Variants in CSMD2 observed in about 807,000 individuals in gnomAD.
CSMD2 encodes the protein CUB and Sushi multiple domains 2, also known as CUB and sushi domain-containing protein 2.
A neutral mutation model predicts 398.5 loss-of-function variants in CSMD2; 130 were observed. That is an observed-to-expected ratio of 0.33 (90% CI 0.28 to 0.38). The LOEUF (loss-of-function observed/expected upper bound fraction) is 0.38. Ranked by LOEUF, CSMD2 falls within the 10% of genes least tolerant of loss-of-function variation. The probability of loss-of-function intolerance (pLI) is 1.00; values close to 1 mark genes in which losing one functional copy is unlikely to be tolerated. For missense variants in CSMD2, 3,829 were observed against 4,764.9 expected (o/e 0.80, Z 5.78); for synonymous variants, 1,828 against 1,908.5 (o/e 0.96, Z 1.10).
At chr1:34,116,384 G>A (rs1199502306) in intron 1 of CSMD2, among the ~76,000 whole-genome samples, 2 of 151,874 alleles carry the variant, frequency 1.3e-5, no homozygotes, top group South Asian at 2.1e-4. Context: ...ATCAAAAACT[G>A]TCACAAGAGA....
chr1:33,705,048 G>T (rs1003701608), intron 22 of CSMD2, among the ~76,000 whole-genome samples: 4 of 150,970 alleles, frequency 2.6e-5, no homozygotes, highest in African/African-American at 4.9e-5. Flanking sequence ...AAAATTTTTA[G>T]ATCTGTGATC....
chr1:33,668,882 C>T lies in CSMD2; in HGVS notation c.4053-5790G>A, dbSNP rs148138401. Among the ~76,000 whole-genome samples the T allele has an allele frequency of 3.8e-4, 58 of 152,222 alleles. No individual in the cohort carries two copies. In the East Asian group the frequency reaches 9.2e-3, roughly 24 times the overall value. Reference sequence around the variant, plus strand: ...GAAATGTGCAAGGCTCTGTGCTTGCCCTGGAGGAAACTTACTGAAGGAGAC... The same window carrying T: ...GAAATGTGCAAGGCTCTGTGCTTGCTCTGGAGGAAACTTACTGAAGGAGAC... On this transcript the variant is annotated intron_variant, in intron 25 of 70. Transcript: ENST00000373381.
chr1:34,061,086 T>C (rs1247069187), intron 2 of CSMD2, among the ~76,000 whole-genome samples: 1 of 152,074 alleles, frequency 6.6e-6, no homozygotes, highest in East Asian at 1.9e-4. Flanking sequence ...ACCCCAACCC[T>C]GCCTGGGACA....
intron 35 of CSMD2, 96 bp from the exon 36 acceptor site, chr1:33,623,562 T>A (rs1358860619): frequency 7.0e-6 from 6 of 858,092 alleles, no homozygotes; most frequent in Non-Finnish European, 1.2e-5. Context: ...TTAATTCAAT[T>A]TGTTGAGAAT....
intron 37 of CSMD2, among the ~76,000 whole-genome samples, chr1:33,620,771 T>C (rs2148871235): frequency 6.6e-6 from 1 of 151,470 alleles, no homozygotes; most frequent in Non-Finnish European, 1.5e-5. Flanking sequence ...GTCCTACCCT[T>C]TACCCTGCAG....
At chr1:34,062,758 T>C (rs72667720) in intron 2 of CSMD2, among the ~76,000 whole-genome samples, 2,852 of 152,270 alleles carry the variant, frequency 0.019, 35 homozygotes, top group Non-Finnish European at 0.028. Context: ...GACTCTGCTC[T>C]CTGATGCCAC....
At chr1:33,724,366 C>G in intron 18 of CSMD2, 53 bp from the exon 19 acceptor site, 1 of 1,510,376 alleles carries the variant, frequency 6.6e-7, no homozygotes, top group Non-Finnish European at 9.2e-7. Flanking sequence ...CAGGGAGCAC[C>G]CCCGTCATCC....
intron 36 of CSMD2, 86 bp downstream of exon 36, chr1:33,623,284 C>CAATAAT (rs1263650852): frequency 1.1e-6 from 1 of 918,814 alleles, no homozygotes; most frequent in Non-Finnish European, 1.8e-6. Context: ...AGTGATATCT[C>CAATAAT]AATAATAATA....
chr1:33,828,491 G>A (rs1463227505), intron 6 of CSMD2, among the ~76,000 whole-genome samples: 2 of 152,210 alleles, frequency 1.3e-5, no homozygotes, highest in East Asian at 1.9e-4. Flanking sequence ...TGAAGAAAGA[G>A]TCTTCATCGT....
At chr1:33,854,429 T>C (rs2125097332) in intron 5 of CSMD2, among the ~76,000 whole-genome samples, 1 of 152,304 alleles carries the variant, frequency 6.6e-6, no homozygotes, top group Non-Finnish European at 1.5e-5. Flanking sequence ...AAAGAGGCAG[T>C]GAGCAGGTGA....
In CSMD2 at chr1:33,724,296, T is replaced by A. The variant is rs773965809; in HGVS notation, c.2902A>T (p.Ile968Phe). 3 of 1,613,662 alleles carry A rather than the reference T, an allele frequency of 1.9e-6. No homozygotes were observed. The African/African-American group carries it at 4.0e-5, about 22-fold the overall frequency. ...PSCEALCGGF[I>F]QGSSGTILSP... ...AAGATGGTCCCACTGGAGCCTTGAA[T>A]GAAGCCACCACAGAGAGCTACAGAA... is the stretch of plus-strand genomic sequence containing the variant. Residue 968 changes from isoleucine to phenylalanine, a missense_variant, in exon 19 of 71, where the codon ATT becomes TTT. By Grantham distance (21) the Ile-to-Phe change is conservative. This residue lies in a region of CSMD2 where 2,001 missense variants were observed against 2,567.1 expected (regional missense o/e 0.78). Transcript: ENST00000373381.
At position 33,611,162 on chromosome 1, in the gene CSMD2, C is replaced by T. The variant is rs375268880; in HGVS notation, c.6222G>A (p.Met2074Ile). Residue 2074 changes from methionine (M) to isoleucine (I), a missense_variant, in exon 41 of 71, where the codon ATG becomes ATA. Met to Ile is a conservative substitution (Grantham distance 10). Around this residue, in one of 5 missense-constraint regions of CSMD2, gnomAD observed 2,001 missense variants for 2,567.1 expected, o/e 0.78. Transcript: ENST00000373381. The stretch of plus-strand genomic sequence containing the variant: ...GCTCGCTTCCACTGAATCTTCCCAT[C>T]ATGCGGCTGGTCTCATAGGGGCCAT... ...IRNGPYETSR[M>I]MGRFSGSELP... The T allele has an allele frequency of 6.2e-7, 1 of 1,614,078 alleles. No individual in the cohort carries two copies. Among genetic ancestry groups the T allele is most frequent in the Non-Finnish European group, 8.5e-7 (1 of 1,180,030 alleles).
chr1:33,678,564 C>T (rs942544311), intron 25 of CSMD2, among the ~76,000 whole-genome samples: 4 of 152,098 alleles, frequency 2.6e-5, no homozygotes, highest in African/African-American at 9.7e-5. Flanking sequence ...GGAAGGGGGT[C>T]AGAAATCACT....
intron 3 of CSMD2, among the ~76,000 whole-genome samples, chr1:33,951,166 A>C (rs765958542): frequency 6.6e-6 from 1 of 152,206 alleles, no homozygotes; most frequent in Non-Finnish European, 1.5e-5. Flanking sequence ...CCAGGGCTGG[A>C]GAGAGGCTGC....
At position 33,614,886 on chromosome 1, in the gene CSMD2, A is replaced by G. The variant is rs150233434; in HGVS notation, c.6017-266T>C. Reference sequence around the variant, plus strand: ...TCTTGACCTTGAACATGCCCTTCACAGGTCAGTTCCCTGGTGAGGATGTCC... The same window carrying G: ...TCTTGACCTTGAACATGCCCTTCACGGGTCAGTTCCCTGGTGAGGATGTCC... On this transcript the variant is annotated intron_variant, in intron 39 of 70. Transcript: ENST00000373381. 1.3e-4 allele frequency among the ~76,000 whole-genome samples: 20 copies of G among 152,322 alleles called. No individual in the cohort carries two copies. In the East Asian group the frequency reaches 3.9e-3, roughly 29 times the overall value.
intron 17 of CSMD2, 101 bp downstream of exon 17, chr1:33,725,248 G>C: frequency 3.1e-6 from 3 of 976,928 alleles, no homozygotes; most frequent in Non-Finnish European, 4.8e-6. Context: ...ACACCATGGG[G>C]ATGGGGCCAA....
chr1:33,878,476 GAGA>G (rs970783633), intron 5 of CSMD2: 1 of 152,246 alleles, frequency 6.6e-6, no homozygotes, highest in Non-Finnish European at 1.5e-5. Context: ...TAGCTTACAG[GAGA>G]AGGACTGAGC....
At chr1:33,520,630 G>C (rs1216000101) in intron 68 of CSMD2, among the ~76,000 whole-genome samples, 1 of 152,248 alleles carries the variant, frequency 6.6e-6, no homozygotes, top group East Asian at 1.9e-4. Context: ...CAGCTCATGA[G>C]GGCAGAGCTG....
intron 5 of CSMD2, among the ~76,000 whole-genome samples, chr1:33,857,670 C>T (rs1474883093): frequency 6.6e-6 from 1 of 152,134 alleles, no homozygotes; most frequent in African/African-American, 2.4e-5. Flanking sequence ...TTAGAAAAAG[C>T]CCATCAGAGG....
Sources: gnomAD v4.1 joint callset for allele counts (sites outside exome capture counted in the v4.1 genomes callset) on GRCh38, gnomAD v4.1.1 for gene constraint, gnomAD v4.1.1 regional missense constraint, MANE v1.5 for transcripts, NCBI Gene and HGNC (gene_info 2026-07-23, HGNC 2026-07-21) for gene names.